Variants in TEC observed in about 807,000 individuals in gnomAD.
TEC encodes tyrosine-protein kinase Tec.
TEC carries 72 observed loss-of-function variants against 93.0 expected under a neutral mutation model. The ratio of observed to expected loss-of-function variants is 0.77; its 90% confidence interval spans 0.64 to 0.94. The LOEUF is 0.94. Among genes scored for constraint, TEC ranks in the 40% least tolerant of loss-of-function variants. TEC has a pLI of 0.00. For missense variants in TEC, 630 were observed against 757.9 expected, an observed-to-expected ratio of 0.83 and a Z score of 1.98; for synonymous variants, 249 against 247.7, an observed-to-expected ratio of 1.01 and a Z score of -0.05.
intron 2 of TEC, among the ~76,000 whole-genome samples, chr4:48,215,247 C>T (rs1193911903): frequency 2.0e-5 from 3 of 152,262 alleles, no homozygotes; most frequent in Non-Finnish European, 4.4e-5. Flanking sequence ...TGGCTCACGC[C>T]TGTAATCTCA....
intron 1 of TEC, among the ~76,000 whole-genome samples, chr4:48,239,518 G>C (rs1298912624): frequency 6.6e-6 from 1 of 152,102 alleles, no homozygotes; most frequent in Non-Finnish European, 1.5e-5. Flanking sequence ...TTTCTCAGTG[G>C]GTACAGTGAT....
intron 1 of TEC, among the ~76,000 whole-genome samples, chr4:48,242,754 T>A (rs1236284791): frequency 1.3e-5 from 2 of 152,190 alleles, no homozygotes; most frequent in Non-Finnish European, 2.9e-5. Context: ...GTGATGGTAT[T>A]TCAACCAAGC....
intron 9 of TEC, among the ~76,000 whole-genome samples, chr4:48,153,144 C>T (rs1720245390): frequency 1.3e-5 from 2 of 151,332 alleles, no homozygotes; most frequent in Non-Finnish European, 2.9e-5. Flanking sequence ...TGGAATTAAA[C>T]ATCTATTAAC....
chr4:48,236,399 A>T (rs940543706), intron 1 of TEC, among the ~76,000 whole-genome samples: 1 of 151,542 alleles, frequency 6.6e-6, no homozygotes, highest in Non-Finnish European at 1.5e-5. Flanking sequence ...CTCCTGCCTC[A>T]GCCTCCCGAG....
intron 3 of TEC, among the ~76,000 whole-genome samples, chr4:48,174,039 T>C (rs1721224262): frequency 6.6e-6 from 1 of 152,238 alleles, no homozygotes; most frequent in African/African-American, 2.4e-5. Flanking sequence ...CTTTCTTAGT[T>C]ATACTTAAGT....
At chr4:48,248,601 AGGTTTTCT>A (rs1724121777) in intron 1 of TEC, among the ~76,000 whole-genome samples, 1 of 152,336 alleles carries the variant, frequency 6.6e-6, no homozygotes, top group South Asian at 2.1e-4. Context: ...AATCAATTTT[AGGTTTTCT>A]GGTTTGGGAC....
At chr4:48,225,904 A>AG (rs1178551295) in intron 2 of TEC, among the ~76,000 whole-genome samples, 1 of 152,042 alleles carries the variant, frequency 6.6e-6, no homozygotes, top group Non-Finnish European at 1.5e-5. Context: ...TAACAGGACT[A>AG]GGCTCTCTAG....
chr4:48,225,395 T>C (rs1193291803), intron 2 of TEC, among the ~76,000 whole-genome samples: 1 of 152,150 alleles, frequency 6.6e-6, no homozygotes, highest in Non-Finnish European at 1.5e-5. Context: ...CAGGCTGATC[T>C]CAAACTCCTC....
At chr4:48,166,893 C>T (rs1720892100) in intron 7 of TEC, among the ~76,000 whole-genome samples, 1 of 151,600 alleles carries the variant, frequency 6.6e-6, no homozygotes, top group African/African-American at 2.4e-5. Context: ...CTAGAGGTTT[C>T]CACTGCTTCT....
chr4:48,190,803 T>C (rs1456413216), intron 2 of TEC, among the ~76,000 whole-genome samples: 2 of 152,184 alleles, frequency 1.3e-5, no homozygotes, highest in African/African-American at 4.8e-5. Flanking sequence ...ATGGGAAAAC[T>C]ACAAAAATGT....
intron 2 of TEC, among the ~76,000 whole-genome samples, chr4:48,205,677 ATC>A (rs1722693589): frequency 6.6e-6 from 1 of 152,196 alleles, no homozygotes; most frequent in African/African-American, 2.4e-5. Flanking sequence ...GACAGCTACA[ATC>A]AACAAAAGAG....
chr4:48,146,708 T>C (rs992161529), intron 11 of TEC, among the ~76,000 whole-genome samples: 1 of 152,294 alleles, frequency 6.6e-6, no homozygotes, highest in African/African-American at 2.4e-5. Flanking sequence ...GGGAATTAGA[T>C]TAGTCTGCTA....
chr4:48,160,641 T>C (rs2704435), intron 8 of TEC, among the ~76,000 whole-genome samples: 121,051 of 150,554 alleles, frequency 0.8, 48,735 homozygotes, highest in East Asian at 0.92. Context: ...GCAGGAGAAT[T>C]GCTTGAACCT....
intron 2 of TEC, among the ~76,000 whole-genome samples, chr4:48,200,417 A>T (rs1295522594): frequency 2.6e-5 from 4 of 152,220 alleles, no homozygotes; most frequent in Non-Finnish European, 5.9e-5. Flanking sequence ...GGTTTTAGGC[A>T]GGAGAGATAC....
intron 2 of TEC, among the ~76,000 whole-genome samples, chr4:48,193,094 G>C (rs896385811): frequency 5.3e-5 from 8 of 152,134 alleles, no homozygotes; most frequent in Middle Eastern, 3.4e-3. Context: ...TGAGCAGTTA[G>C]ACTTTTCTCA....
chr4:48,157,483 C>T (rs527886571), intron 8 of TEC, among the ~76,000 whole-genome samples: 1 of 152,184 alleles, frequency 6.6e-6, no homozygotes, highest in Admixed American at 6.5e-5. Flanking sequence ...TTTCCACCAC[C>T]CTGTGCCACA....
intron 12 of TEC, 21 bp from the exon 13 acceptor site, chr4:48,145,600 G>T (rs73244490): frequency 1.2e-6 from 2 of 1,611,206 alleles, no homozygotes; most frequent in Non-Finnish European, 1.7e-6. Context: ...GAAAGTGAAA[G>T]TGTTCATATT....
At chr4:48,188,213 C>T (rs190540167) in intron 2 of TEC, among the ~76,000 whole-genome samples, 31 of 152,282 alleles carry the variant, frequency 2.0e-4, no homozygotes, top group African/African-American at 6.5e-4. Flanking sequence ...GTCCCTGAAA[C>T]ACCATGTAGA....
At chr4:48,237,004 C>A (rs767918465) in intron 1 of TEC, among the ~76,000 whole-genome samples, 40 of 152,228 alleles carry the variant, frequency 2.6e-4, no homozygotes, top group South Asian at 1.0e-3. Flanking sequence ...CAAATATGTA[C>A]AATTATTATT....
Sources: gnomAD v4.1 joint callset for allele counts (sites outside exome capture counted in the v4.1 genomes callset) on GRCh38, gnomAD v4.1.1 for gene constraint, MANE v1.5 for transcripts, NCBI Gene and HGNC (gene_info 2026-07-23, HGNC 2026-07-21) for gene names.